PBX1: variants seen among roughly 807,000 people sequenced by gnomAD.
PBX1 encodes the protein pre-B-cell leukemia transcription factor 1.
Under a neutral mutation model 53.4 loss-of-function variants are expected in PBX1, and 6 were observed. The observed-to-expected ratio is 0.11, with a 90% CI of 0.06 to 0.22. PBX1 has a LOEUF of 0.22. Among genes scored for constraint, PBX1 ranks in the 10% least tolerant of loss-of-function variants. The pLI is 1.00. For synonymous variants in PBX1, 204 were observed against 212.3 expected, an observed-to-expected ratio of 0.96 and a Z score of 0.34; for missense variants, 251 against 551.4, an observed-to-expected ratio of 0.46 and a Z score of 5.46.
intron 2 of PBX1, among the ~76,000 whole-genome samples, chr1:164,604,369 T>C (rs969047419): frequency 6.6e-6 from 1 of 152,220 alleles, no homozygotes; most frequent in East Asian, 1.9e-4. Flanking sequence ...GTTTCATCAT[T>C]ATTGCACAGT....
intron 2 of PBX1, among the ~76,000 whole-genome samples, chr1:164,743,533 C>CCCTAGGGT: frequency 6.6e-6 from 1 of 152,114 alleles, no homozygotes; most frequent in Non-Finnish European, 1.5e-5. Flanking sequence ...AGAGAAGGTG[C>CCCTAGGGT]ATCATCTTTT....
intron 2 of PBX1, among the ~76,000 whole-genome samples, chr1:164,613,631 T>C (rs1244560220): frequency 6.6e-6 from 1 of 152,214 alleles, no homozygotes; most frequent in African/African-American, 2.4e-5. Context: ...TCTCCCACGC[T>C]GAACACCAGC....
At chr1:164,855,106 C>T (rs770465941), downstream of PBX1, among the ~76,000 whole-genome samples, 13 of 151,956 alleles carry the variant, frequency 8.6e-5, no homozygotes, top group East Asian at 5.8e-4. Flanking sequence ...GCACCATACC[C>T]GGCTAATGTT....
intron 2 of PBX1, among the ~76,000 whole-genome samples, chr1:164,604,936 A>G (rs1656448600): frequency 6.6e-6 from 1 of 152,200 alleles, no homozygotes; most frequent in Non-Finnish European, 1.5e-5. Flanking sequence ...AAGACAAACC[A>G]TCTTCCTTTA....
chr1:164,656,250 T>A (rs57624476), intron 2 of PBX1, among the ~76,000 whole-genome samples: 2,134 of 152,300 alleles, frequency 0.014, 44 homozygotes, highest in African/African-American at 0.048. Flanking sequence ...GGTAGCTGGA[T>A]TAAATATGGG....
At chr1:164,606,230 C>T (rs987729642) in intron 2 of PBX1, among the ~76,000 whole-genome samples, 3 of 152,228 alleles carry the variant, frequency 2.0e-5, no homozygotes, top group Admixed American at 2.0e-4. Flanking sequence ...TGGCTCACGC[C>T]TGTTATCCCA....
chr1:164,750,145 G>GGTGTGTGTGTGTGTGTGTGT (rs10665357), intron 2 of PBX1, among the ~76,000 whole-genome samples: 1 of 140,806 alleles, frequency 7.1e-6, no homozygotes, highest in African/African-American at 2.7e-5. Context: ...GGGGCTAGTT[G>GGTGTGTGTGTGTGTGTGTGT]GTGTGTGTGT....
At chr1:164,724,631 C>T (rs1298348203) in intron 2 of PBX1, among the ~76,000 whole-genome samples, 2 of 111,386 alleles carry the variant, frequency 1.8e-5, no homozygotes, top group Non-Finnish European at 3.6e-5. Flanking sequence ...TGTCTAATAT[C>T]TTATTTTTCT....
chr1:164,746,634 T>C (rs1665909924), intron 2 of PBX1, among the ~76,000 whole-genome samples: 1 of 152,088 alleles, frequency 6.6e-6, no homozygotes, highest in Non-Finnish European at 1.5e-5. Context: ...GTTCTCGAAC[T>C]CTTGACCTCG....
intron 2 of PBX1, among the ~76,000 whole-genome samples, chr1:164,870,328 T>TCTTTCTTG (rs1672344976): frequency 8.5e-6 from 1 of 117,352 alleles, no homozygotes; most frequent in Non-Finnish European, 1.7e-5. Flanking sequence ...TTTCTTTCTT[T>TCTTTCTTG]CTTTCTTTCT....
At chr1:164,860,588 C>G (rs1315311610) in intron 2 of PBX1, among the ~76,000 whole-genome samples, 1 of 152,128 alleles carries the variant, frequency 6.6e-6, no homozygotes, top group Non-Finnish European at 1.5e-5. Context: ...CCCTAACACA[C>G]TCAGACCCAC....
chr1:164,810,937 A>G (rs995896561), intron 5 of PBX1, among the ~76,000 whole-genome samples: 2 of 152,046 alleles, frequency 1.3e-5, no homozygotes, highest in African/African-American at 4.8e-5. Flanking sequence ...TCCTTATAAG[A>G]TGTTTTAAGT....
intron 2 of PBX1, among the ~76,000 whole-genome samples, chr1:164,715,345 A>G (rs1221808940): frequency 1.3e-5 from 2 of 152,192 alleles, no homozygotes; most frequent in Non-Finnish European, 2.9e-5. Context: ...GATTATAATC[A>G]TGGAGTTTTG....
At chr1:164,804,481 C>G (rs1031884422) in intron 4 of PBX1, among the ~76,000 whole-genome samples, 2 of 152,144 alleles carry the variant, frequency 1.3e-5, no homozygotes, top group African/African-American at 4.8e-5. Flanking sequence ...AAAATTAGCT[C>G]TCTGGTTACA....
At chr1:164,873,172 C>T (rs76461810) in intron 2 of PBX1, among the ~76,000 whole-genome samples, 76 of 152,270 alleles carry the variant, frequency 5.0e-4, no homozygotes, top group Admixed American at 2.2e-3. Context: ...TCATAGCCAC[C>T]CTACTATTTT....
At chr1:164,823,800 A>T (rs538921131) in intron 8 of PBX1, among the ~76,000 whole-genome samples, 3 of 152,206 alleles carry the variant, frequency 2.0e-5, no homozygotes. Flanking sequence ...TTTTCCATGA[A>T]CTGTGGTTAT....
At chr1:164,699,315 G>A (rs1480343325) in intron 2 of PBX1, among the ~76,000 whole-genome samples, 2 of 152,114 alleles carry the variant, frequency 1.3e-5, no homozygotes, top group African/African-American at 4.8e-5. Context: ...CAGTAACAGG[G>A]AGCCAAGCTT....
At chr1:164,687,552 G>T (rs966227060) in intron 2 of PBX1, among the ~76,000 whole-genome samples, 3 of 110,820 alleles carry the variant, frequency 2.7e-5, no homozygotes, top group Non-Finnish European at 3.5e-5. Context: ...GATAAAGTGA[G>T]ACCTTGTCTA....
chr1:164,603,928 CAT>C (rs1656365354), intron 2 of PBX1, among the ~76,000 whole-genome samples: 1 of 48,732 alleles, frequency 2.1e-5, no homozygotes, highest in African/African-American at 9.0e-5. Context: ...TATGTCATTT[CAT>C]TTTTTTTTTT....
Sources: allele counts gnomAD v4.1 joint callset (sites outside exome capture counted in the v4.1 genomes callset), GRCh38; gene constraint gnomAD v4.1.1; transcripts MANE v1.5; gene names NCBI Gene and HGNC (gene_info 2026-07-23, HGNC 2026-07-21).